Variants in FRMD5 observed in about 807,000 individuals in gnomAD.
FRMD5 encodes the protein FERM domain containing 5.
Under a neutral mutation model 69.0 loss-of-function variants are expected in FRMD5, and 20 were observed. The ratio of observed to expected loss-of-function variants is 0.29; its 90% CI spans 0.20 to 0.42. The LOEUF (loss-of-function observed/expected upper bound fraction) is 0.42, where lower values mean the gene tolerates loss of function less well. Among genes scored for constraint, FRMD5 ranks in the 10% least tolerant of loss-of-function variants. FRMD5 has a pLI of 1.00. For synonymous variants in FRMD5, 271 were observed against 260.1 expected, an observed-to-expected ratio of 1.04 and a Z score of -0.40; for missense variants, 595 against 708.6, an observed-to-expected ratio of 0.84 and a Z score of 1.82.
intron 1 of FRMD5, among the ~76,000 whole-genome samples, chr15:43,994,581 C>T (rs923062786): frequency 2.6e-5 from 4 of 152,066 alleles, no homozygotes; most frequent in African/African-American, 7.3e-5. Context: ...CAGGCACATG[C>T]CACCACACCC....
intron 1 of FRMD5, among the ~76,000 whole-genome samples, chr15:43,978,058 T>TA (rs1216503615): frequency 1.8e-4 from 28 of 152,020 alleles, no homozygotes; most frequent in Admixed American, 1.8e-3. Context: ...AACTTTATTA[T>TA]AAAAAAATAA....
intron 1 of FRMD5, among the ~76,000 whole-genome samples, chr15:44,122,550 C>T (rs1016267061): frequency 1.3e-5 from 2 of 150,134 alleles, no homozygotes; most frequent in Non-Finnish European, 3.0e-5. Flanking sequence ...GCCTGAGCAA[C>T]AGAGTGAGAC....
chr15:44,017,623 T>G (rs1243130952), intron 1 of FRMD5, among the ~76,000 whole-genome samples: 5 of 150,996 alleles, frequency 3.3e-5, no homozygotes, highest in Admixed American at 3.3e-4. Flanking sequence ...TCTTTTTTTT[T>G]TTTTTTTGAG....
chr15:44,055,014 G>A (rs1892814298), intron 1 of FRMD5, among the ~76,000 whole-genome samples: 1 of 149,534 alleles, frequency 6.7e-6, no homozygotes, highest in Non-Finnish European at 1.5e-5. Flanking sequence ...AGGTTGCAGT[G>A]AGCTGAGATC....
At chr15:44,147,908 G>A (rs2077380869) in intron 1 of FRMD5, among the ~76,000 whole-genome samples, 1 of 152,146 alleles carries the variant, frequency 6.6e-6, no homozygotes, top group Non-Finnish European at 1.5e-5. Context: ...GCAGGAGCCA[G>A]GGTGGGCAAA....
At chr15:44,097,978 T>G (rs922265725) in intron 1 of FRMD5, among the ~76,000 whole-genome samples, 1 of 152,068 alleles carries the variant, frequency 6.6e-6, no homozygotes, top group East Asian at 1.9e-4. Context: ...TAAAATGTCA[T>G]CTTCTTAAAG....
At chr15:44,106,217 T>C (rs1326019688) in intron 1 of FRMD5, among the ~76,000 whole-genome samples, 1 of 152,180 alleles carries the variant, frequency 6.6e-6, no homozygotes, top group East Asian at 1.9e-4. Flanking sequence ...ATTAAAATTA[T>C]TTTAATAAGC....
chr15:43,965,948 T>C (rs755890488), intron 1 of FRMD5, among the ~76,000 whole-genome samples: 74 of 152,168 alleles, frequency 4.9e-4, no homozygotes, highest in Non-Finnish European at 9.0e-4. Context: ...AGTATGGCTA[T>C]CAGGAACTAT....
At chr15:44,117,221 C>T (rs1429050994) in intron 1 of FRMD5, among the ~76,000 whole-genome samples, 7 of 152,126 alleles carry the variant, frequency 4.6e-5, no homozygotes, top group Non-Finnish European at 1.0e-4. Context: ...TCTCTTTGGA[C>T]TATCCACTTT....
chr15:44,072,052 G>C (rs1044158292), intron 1 of FRMD5, among the ~76,000 whole-genome samples: 1 of 152,134 alleles, frequency 6.6e-6, no homozygotes, highest in Non-Finnish European at 1.5e-5. Context: ...TTTTAGCAGA[G>C]ACGTGGTTTC....
At chr15:44,192,451 A>G (rs1043411646) in intron 1 of FRMD5, among the ~76,000 whole-genome samples, 1 of 152,222 alleles carries the variant, frequency 6.6e-6, no homozygotes, top group Admixed American at 6.5e-5. Context: ...ATGAGTTCAA[A>G]TTATCACCAT....
intron 1 of FRMD5, chr15:43,990,097 G>A: frequency 6.0e-6 from 4 of 667,644 alleles, no homozygotes. Context: ...GGGGAAGATG[G>A]CCCGGGGTGG....
At chr15:43,888,666 A>G (rs1318045891) in intron 9 of FRMD5, 143 bp downstream of exon 9, 17 of 691,612 alleles carry the variant, frequency 2.5e-5, no homozygotes, top group Non-Finnish European at 3.8e-5. Flanking sequence ...GCTCCTTCAT[A>G]TTGTACCTCC....
chr15:44,035,967 G>A lies in FRMD5; in HGVS notation c.103-111658C>T, dbSNP rs576424921. Among the ~76,000 whole-genome samples, 10 of 152,086 alleles carry A rather than the reference G, an allele frequency of 6.6e-5. No individual in the cohort carries two copies. The East Asian group carries it at 9.6e-4, about 15-fold the overall frequency. On this transcript the variant is annotated intron_variant, in intron 1 of 13. Transcript: ENST00000417257. ...CATGTGCTCCTGACAGATCTTCCTC[G>A]TAGTAAACTCTCTCTGAAGGCACTG...
At position 43,908,281 on chromosome 15, in the gene FRMD5, T is replaced by C. The variant is rs1161580006; in HGVS notation, c.427+1601A>G. On this transcript the variant is annotated intron_variant, in intron 5 of 13. Transcript: ENST00000417257. ...AGGTGGAGGTTGCAGTGAGCCGAGA[T>C]CACACCACTGCACTCTGGCCTAGGG... Among the ~76,000 whole-genome samples, 3 of 139,380 alleles carry C rather than the reference T, an allele frequency of 2.2e-5. No individual in the cohort carries two copies. The Admixed American group carries it at 2.3e-4, about 11-fold the overall frequency. 91.4% of individuals were successfully genotyped at this position (139,380 alleles called of 152,430 possible).
intron 1 of FRMD5, among the ~76,000 whole-genome samples, chr15:44,114,905 T>C (rs1351367988): frequency 6.6e-6 from 1 of 152,202 alleles, no homozygotes; most frequent in Non-Finnish European, 1.5e-5. Flanking sequence ...GGGCAGCCAC[T>C]ACTCAGCACT....
rs1285425190 is a variant in FRMD5 at position 44,007,753 on chromosome 15, C to T, written c.103-83444G>A. ...CTCCATCTCCCGGGTTCAAGTGATTCTCCTGCCTCAGCCTCCCAAGTAGCT... is the reference window on the plus strand; with the variant it reads ...CTCCATCTCCCGGGTTCAAGTGATTTTCCTGCCTCAGCCTCCCAAGTAGCT... On this transcript the variant is annotated intron_variant, in intron 1 of 13. Transcript: ENST00000417257. 4.3e-5 allele frequency among the ~76,000 whole-genome samples: 6 copies of T among 138,592 alleles called. No homozygotes were observed. The Admixed American group carries it at 5.0e-4, about 12-fold the overall frequency. 90.9% of individuals were successfully genotyped at this position (138,592 alleles called of 152,430 possible). A position where few individuals can be genotyped will look rare whatever the true frequency, so the allele number is the denominator to read the frequency against.
intron 1 of FRMD5, among the ~76,000 whole-genome samples, chr15:43,993,463 A>T (rs1049471642): frequency 1.1e-4 from 17 of 152,120 alleles, no homozygotes; most frequent in African/African-American, 4.1e-4. Flanking sequence ...AAAGTGCTGG[A>T]ATTACAGGCG....
At chr15:43,992,334 T>C (rs1595597275) in intron 1 of FRMD5, among the ~76,000 whole-genome samples, 3 of 112,984 alleles carry the variant, frequency 2.7e-5, no homozygotes, top group African/African-American at 8.8e-5. Flanking sequence ...GATGAGAAGG[T>C]TGTAAATTCT....
Sources: allele counts gnomAD v4.1 joint callset (sites outside exome capture counted in the v4.1 genomes callset), GRCh38; gene constraint gnomAD v4.1.1; transcripts MANE v1.5; gene names NCBI Gene and HGNC (gene_info 2026-07-23, HGNC 2026-07-21).